RELN: variants seen among roughly 807,000 people sequenced by gnomAD.
RELN encodes the protein reelin.
In RELN, 108 loss-of-function variants were observed where a neutral mutation model predicts 427.6. The observed-to-expected ratio is 0.25, with a 90% confidence interval of 0.22 to 0.30. The LOEUF is 0.30. Ranked by LOEUF, RELN falls within the 10% of genes least tolerant of loss-of-function variation. The pLI, the probability that RELN is intolerant of heterozygous loss-of-function variation, is 1.00. For missense variants in RELN, 3,715 were observed against 4,302.8 expected (o/e 0.86, Z 3.82); for synonymous variants, 1,524 against 1,513.4 (o/e 1.01, Z -0.16).
At chr7:103,747,594 G>C (rs572526841) in intron 6 of RELN, among the ~76,000 whole-genome samples, 1 of 149,014 alleles carries the variant, frequency 6.7e-6, no homozygotes, top group East Asian at 2.0e-4. Flanking sequence ...TTGTTTAACA[G>C]AACAGTCATC....
At chr7:103,506,501 A>G (rs1829216297) in intron 51 of RELN, among the ~76,000 whole-genome samples, 1 of 152,250 alleles carries the variant, frequency 6.6e-6, no homozygotes, top group Non-Finnish European at 1.5e-5. Context: ...TTTACAGACA[A>G]GCAAATGCTG....
chr7:103,825,068 A>T (rs1196935947), intron 3 of RELN, among the ~76,000 whole-genome samples: 1 of 152,080 alleles, frequency 6.6e-6, no homozygotes, highest in Non-Finnish European at 1.5e-5. Flanking sequence ...TATTATTACT[A>T]TTATGACCAT....
intron 7 of RELN, among the ~76,000 whole-genome samples, chr7:103,727,554 C>A (rs1336681580): frequency 6.6e-6 from 1 of 152,074 alleles, no homozygotes; most frequent in African/African-American, 2.4e-5. Context: ...ATTTGGCAAG[C>A]AAAAGCTGCT....
chr7:103,524,414 A>AG (rs1829779917), intron 46 of RELN, among the ~76,000 whole-genome samples: 1 of 152,164 alleles, frequency 6.6e-6, no homozygotes. Context: ...TAAAGCTAAA[A>AG]CAGAGGTTCT....
rs574434255 is a variant in RELN at position 103,839,135 on chromosome 7, G to A, written c.338-5463C>T. The stretch of plus-strand genomic sequence containing the variant: ...AGAGTAACACTATTCATATCATTAT[G>A]GTGTCAATGTACAGTTTGAAGAAAG... On this transcript the variant is annotated intron_variant, in intron 2 of 64. Coordinates refer to ENST00000428762, the MANE Select transcript of RELN (RefSeq NM_005045.4). Among the ~76,000 whole-genome samples, 35 of 152,148 alleles carry A rather than the reference G, an allele frequency of 2.3e-4. No homozygotes were observed. In the South Asian group the frequency reaches 6.2e-3, roughly 27 times the overall value.
intron 19 of RELN, among the ~76,000 whole-genome samples, chr7:103,632,718 A>AT (rs1488639737): frequency 1.5e-4 from 23 of 152,176 alleles, no homozygotes; most frequent in African/African-American, 3.9e-4. Context: ...AACCTCATAG[A>AT]TTTTTTTAAA....
chr7:103,853,733 T>G (rs988728306), intron 2 of RELN, among the ~76,000 whole-genome samples: 1 of 152,030 alleles, frequency 6.6e-6, no homozygotes, highest in African/African-American at 2.4e-5. Context: ...TGTCTCATAA[T>G]ATACAAAATA....
chr7:103,791,881 T>TA (rs1396515141), intron 3 of RELN, among the ~76,000 whole-genome samples: 2 of 151,914 alleles, frequency 1.3e-5, no homozygotes, highest in Non-Finnish European at 2.9e-5. Flanking sequence ...TACAACTCAA[T>TA]AAAAAATAAG....
chr7:103,718,662 T>C (rs559282745), intron 8 of RELN, among the ~76,000 whole-genome samples: 1 of 152,274 alleles, frequency 6.6e-6, no homozygotes, highest in African/African-American at 2.4e-5. Flanking sequence ...CATACTATTA[T>C]AGATGTCTTT....
intron 1 of RELN, among the ~76,000 whole-genome samples, chr7:103,943,812 C>T (rs1232133390): frequency 2.3e-5 from 3 of 130,020 alleles, no homozygotes; most frequent in African/African-American, 9.1e-5. Flanking sequence ...TATGCCACTG[C>T]ACTCCAGCTT....
intron 10 of RELN, among the ~76,000 whole-genome samples, chr7:103,693,682 G>GA (rs1329719310): frequency 1.3e-5 from 2 of 152,130 alleles, no homozygotes; most frequent in African/African-American, 2.4e-5. Context: ...GCCTACATAG[G>GA]AAGTCATCAA....
At chr7:103,639,226 A>T (rs569246001) in intron 17 of RELN, among the ~76,000 whole-genome samples, 8 of 152,300 alleles carry the variant, frequency 5.3e-5, no homozygotes, top group African/African-American at 1.9e-4. Context: ...GTTTGGAAAT[A>T]TAGATGGAAG....
Position 103,565,536 on chromosome 7 carries a change from G to A in RELN, c.4952C>T (p.Ala1651Val). Reference sequence around the variant, plus strand: ...TGACACATGAAAATCCCAGGTCTCAGCATAACGAGGTTTTCCTGAAAAAAA... The same window carrying A: ...TGACACATGAAAATCCCAGGTCTCAACATAACGAGGTTTTCCTGAAAAAAA... ...FTENIGKPRY[A>V]ETWDFHVSAS... Residue 1651 changes from alanine (A) to valine (V), a missense_variant, in exon 34 of 65, where the codon GCT becomes GTT. Around this residue, in one of 4 missense-constraint regions of RELN, gnomAD observed 2,208 missense variants for 2,361.7 expected, o/e 0.93. Coordinates refer to ENST00000428762, the MANE Select transcript of RELN (RefSeq NM_005045.4). 1 of 1,609,518 alleles carries A rather than the reference G, an allele frequency of 6.2e-7. No individual in the cohort carries two copies. The highest frequency in any genetic ancestry group is 1.1e-5 in the South Asian group (1 of 90,818).
At chr7:103,556,343 A>G (rs58510662) in intron 38 of RELN, among the ~76,000 whole-genome samples, 28,212 of 152,040 alleles carry the variant, frequency 0.19, 2,886 homozygotes, top group East Asian at 0.35. Flanking sequence ...TTATTTTTAA[A>G]AATCTTTAGC....
rs362719 is a variant in RELN at position 103,545,430 on chromosome 7, C to A, written c.6303-86G>T. On this transcript the variant is annotated intron_variant, in intron 41 of 64. Transcript: ENST00000428762. ...GCACATCTGATCAATGAACAATGGG[C>A]AGCTTCTACCTATGCTCAACACCCA... 216,320 of 889,372 alleles carry A rather than the reference C, an allele frequency of 0.24. 32,776 individuals carry two copies. Among genetic ancestry groups the A allele is most frequent in the African/African-American group, 0.6 (36,520 of 60,836 alleles). 55.1% of individuals were successfully genotyped at this position (889,372 alleles called of 1,614,324 possible). A position where few individuals can be genotyped will look rare whatever the true frequency, so the allele number is the denominator to read the frequency against.
chr7:103,790,140 C>T (rs1187065852), intron 3 of RELN, among the ~76,000 whole-genome samples: 1 of 152,062 alleles, frequency 6.6e-6, no homozygotes, highest in Admixed American at 6.6e-5. Context: ...ACAATGAGAA[C>T]ACATGCCCAC....
chr7:103,576,204 C>T (rs1429381748), intron 28 of RELN, among the ~76,000 whole-genome samples: 3 of 152,188 alleles, frequency 2.0e-5, no homozygotes, highest in Non-Finnish European at 4.4e-5. Context: ...GCACTCCATC[C>T]AGCCTGGGTG....
At chr7:103,549,441 C>T (rs1318051244) in intron 41 of RELN, among the ~76,000 whole-genome samples, 1 of 152,208 alleles carries the variant, frequency 6.6e-6, no homozygotes, top group Non-Finnish European at 1.5e-5. Flanking sequence ...TATTCCATTA[C>T]CTTCAGGGGA....
intron 2 of RELN, among the ~76,000 whole-genome samples, chr7:103,901,041 C>G (rs1025742644): frequency 7.2e-5 from 11 of 151,998 alleles, no homozygotes; most frequent in African/African-American, 2.7e-4. Context: ...ACTGTCCATA[C>G]TGTTACAACT....
Sources: gnomAD v4.1 joint callset for allele counts (sites outside exome capture counted in the v4.1 genomes callset) on GRCh38, gnomAD v4.1.1 for gene constraint, gnomAD v4.1.1 regional missense constraint, MANE v1.5 for transcripts, NCBI Gene and HGNC (gene_info 2026-07-23, HGNC 2026-07-21) for gene names.